The following DNAJC24 variants were observed in gnomAD, a reference collection of about 807,000 sequenced individuals.
The protein encoded by DNAJC24 is dnaJ homolog subfamily C member 24.
DNAJC24 carries 17 observed loss-of-function variants against 18.0 expected under a neutral mutation model. That is an observed-to-expected ratio of 0.94 (90% CI 0.65 to 1.42). The LOEUF (loss-of-function observed/expected upper bound fraction) is 1.42. DNAJC24 is among the 40% of genes most tolerant of loss of function. The probability of loss-of-function intolerance (pLI) is 0.00; values close to 1 mark genes in which losing one functional copy is unlikely to be tolerated. For missense variants in DNAJC24, 158 were observed against 175.6 expected (o/e 0.90, Z 0.57); for synonymous variants, 55 against 57.7 (o/e 0.95, Z 0.21).
intron 2 of DNAJC24, among the ~76,000 whole-genome samples, chr11:31,403,736 A>T (rs544604449): frequency 2.0e-3 from 308 of 152,224 alleles, no homozygotes; most frequent in Middle Eastern, 0.017. Context: ...CTGAAAAACA[A>T]CTCAGGGCCG....
At position 31,390,245 on chromosome 11, in the gene DNAJC24, A is replaced by T. The variant is rs571222818; in HGVS notation, c.111+19386A>T. The stretch of plus-strand genomic sequence containing the variant: ...ACCCTGTCTCTACTAAATATACAAA[A>T]ATCAGCCAGGCATGATGGCATGCAC... On this transcript the variant is annotated intron_variant, in intron 2 of 4. Coordinates refer to ENST00000465995, the MANE Select transcript of DNAJC24 (RefSeq NM_181706.5). Among the ~76,000 whole-genome samples the T allele has an allele frequency of 1.0e-3, 153 of 152,026 alleles. 1 individual carries two copies. Among genetic ancestry groups the T allele is most frequent in the African/African-American group, 3.4e-3 (142 of 41,430 alleles).
intron 4 of DNAJC24, 65 bp from the exon 5 acceptor site, chr11:31,430,206 T>G: frequency 1.4e-6 from 2 of 1,418,226 alleles, no homozygotes; most frequent in Non-Finnish European, 1.9e-6. Context: ...CTCTGCACCT[T>G]TTAAGGGTAT....
intron 2 of DNAJC24, among the ~76,000 whole-genome samples, chr11:31,400,347 A>G (rs1952588690): frequency 6.6e-6 from 1 of 151,772 alleles, no homozygotes; most frequent in Non-Finnish European, 1.5e-5. Context: ...GTCTTCCACA[A>G]TGGTTATTCG....
chr11:31,432,509 A>C lies in DNAJC24; in HGVS notation c.*2108A>C. 6.2e-7 allele frequency: 1 copy of C among 1,610,916 alleles called. No homozygotes were observed. Among genetic ancestry groups the C allele is most frequent in the South Asian group, 1.1e-5 (1 of 90,980 alleles). On this transcript the variant is annotated 3_prime_UTR_variant, in exon 5 of 5. Transcript: ENST00000465995. ...AAAGAATAAATGCTTACTAATCATC[A>C]GAAAATCTGTGGCCATTAGGGCTGG...
At chr11:31,424,533 CTTTACATA>C (rs1952841556) in intron 3 of DNAJC24, among the ~76,000 whole-genome samples, 1 of 152,056 alleles carries the variant, frequency 6.6e-6, no homozygotes, top group Non-Finnish European at 1.5e-5. Flanking sequence ...GCCTATTGTA[CTTTACATA>C]GAATGTGGAA....
chr11:31,370,549 T>A (rs1432372023), intron 1 of DNAJC24, among the ~76,000 whole-genome samples, 167 bp from the exon 2 acceptor site: 1 of 152,186 alleles, frequency 6.6e-6, no homozygotes, highest in African/African-American at 2.4e-5. Flanking sequence ...GGTACACTTA[T>A]ACCTGGAATT....
At chr11:31,388,758 AAG>A (rs1369461627) in intron 2 of DNAJC24, among the ~76,000 whole-genome samples, 7 of 152,206 alleles carry the variant, frequency 4.6e-5, no homozygotes, top group Non-Finnish European at 7.3e-5. Context: ...GTATCCTGAG[AAG>A]AGAGAGTAAA....
intron 2 of DNAJC24, among the ~76,000 whole-genome samples, chr11:31,400,174 G>A (rs988597417): frequency 6.6e-6 from 1 of 152,096 alleles, no homozygotes; most frequent in African/African-American, 2.4e-5. Context: ...ATAGGCATCT[G>A]GGTTGGTTCA....
At chr11:31,418,668 G>A (rs1329529133) in intron 3 of DNAJC24, among the ~76,000 whole-genome samples, 2 of 151,928 alleles carry the variant, frequency 1.3e-5, no homozygotes, top group Non-Finnish European at 2.9e-5. Flanking sequence ...AATTATTTTG[G>A]TAAGGTAGAA....
chr11:31,432,267 C>A lies in DNAJC24; in HGVS notation c.*1866C>A. 2.2e-6 allele frequency: 1 copy of A among 451,922 alleles called. No individual in the cohort carries two copies. The highest frequency in any genetic ancestry group is 3.9e-5 in the Admixed American group (1 of 25,780). 28.0% of individuals were successfully genotyped at this position (451,922 alleles called of 1,614,324 possible). A position where few individuals can be genotyped will look rare whatever the true frequency, so the allele number is the denominator to read the frequency against. ...AGGTAGTCATCCAGGTTCCCCCTCC[C>A]ACAATATTTTTGTATCATAAAATTT... On this transcript the variant is annotated 3_prime_UTR_variant, in exon 5 of 5. Coordinates refer to ENST00000465995, the MANE Select transcript of DNAJC24 (RefSeq NM_181706.5).
chr11:31,409,435 T>C (rs1952685582), intron 2 of DNAJC24, among the ~76,000 whole-genome samples: 1 of 152,200 alleles, frequency 6.6e-6, no homozygotes, highest in Admixed American at 6.5e-5. Context: ...AAACCAACTT[T>C]TTGGTTTCTG....
intron 2 of DNAJC24, among the ~76,000 whole-genome samples, chr11:31,414,130 CAA>C (rs1952733957): frequency 2.0e-5 from 3 of 152,044 alleles, no homozygotes; most frequent in African/African-American, 7.2e-5. Context: ...ATATTGAAAA[CAA>C]AAATTTTTAG....
At chr11:31,401,956 A>G (rs560031540) in intron 2 of DNAJC24, among the ~76,000 whole-genome samples, 2 of 152,318 alleles carry the variant, frequency 1.3e-5, no homozygotes, top group South Asian at 4.1e-4. Context: ...TTACGGAGCC[A>G]AATTCTGAGC....
intron 2 of DNAJC24, 72 bp downstream of exon 2, chr11:31,370,931 G>A (rs1195919402): frequency 1.2e-5 from 11 of 938,172 alleles, no homozygotes; most frequent in African/African-American, 1.7e-5. Flanking sequence ...CACAAATTTA[G>A]GTTTCCAGAA....
chr11:31,384,533 T>A (rs1002575808), intron 2 of DNAJC24: 2 of 152,278 alleles, frequency 1.3e-5, no homozygotes. Flanking sequence ...GTTGGCTCTG[T>A]TCATTTGGCC....
At chr11:31,399,527 C>T (rs1218785129) in intron 2 of DNAJC24, among the ~76,000 whole-genome samples, 2 of 151,388 alleles carry the variant, frequency 1.3e-5, no homozygotes, top group Admixed American at 6.6e-5. Flanking sequence ...GATTCTTCTG[C>T]CTCAGCTTCC....
chr11:31,374,669 T>C (rs1433564501), intron 2 of DNAJC24, among the ~76,000 whole-genome samples: 1 of 134,608 alleles, frequency 7.4e-6, no homozygotes, highest in Non-Finnish European at 1.7e-5. Context: ...GGGCTAACCA[T>C]TTTTTTAGTC....
At chr11:31,391,542 C>G (rs1167302369) in intron 2 of DNAJC24, among the ~76,000 whole-genome samples, 4 of 152,098 alleles carry the variant, frequency 2.6e-5, no homozygotes, top group Non-Finnish European at 4.4e-5. Flanking sequence ...AAATAAAAAT[C>G]AAAACTATGA....
At chr11:31,381,951 T>C (rs551581572) in intron 2 of DNAJC24, among the ~76,000 whole-genome samples, 2 of 152,318 alleles carry the variant, frequency 1.3e-5, no homozygotes, top group African/African-American at 4.8e-5. Context: ...TTGAGAATTA[T>C]ACTTTTCAAA....
Sources: allele counts gnomAD v4.1 joint callset (sites outside exome capture counted in the v4.1 genomes callset), GRCh38; gene constraint gnomAD v4.1.1; transcripts MANE v1.5; gene names NCBI Gene and HGNC (gene_info 2026-07-23, HGNC 2026-07-21).